The following CTNNA3 variants were observed in gnomAD, a reference collection of about 807,000 sequenced individuals.
CTNNA3 encodes the protein catenin alpha 3.
CTNNA3 carries 76 observed loss-of-function variants against 95.7 expected under a neutral mutation model. The ratio of observed to expected loss-of-function variants is 0.79; its 90% CI spans 0.66 to 0.96. CTNNA3 has a LOEUF of 0.96. Among genes scored for constraint, CTNNA3 ranks in the 40% least tolerant of loss-of-function variants. The pLI, the probability that CTNNA3 is intolerant of heterozygous loss-of-function variation, is 0.00. For synonymous variants in CTNNA3, 431 were observed against 374.4 expected, an observed-to-expected ratio of 1.15 and a Z score of -1.74; for missense variants, 1,191 against 1,089.8, an observed-to-expected ratio of 1.09 and a Z score of -1.31.
chr10:65,961,316 G>C (rs2077838194), intron 17 of CTNNA3, among the ~76,000 whole-genome samples: 1 of 151,994 alleles, frequency 6.6e-6, no homozygotes, highest in Non-Finnish European at 1.5e-5. Context: ...AACTGATCAT[G>C]ATACAATTTT....
At chr10:66,286,250 C>G (rs2091586888) in intron 12 of CTNNA3, among the ~76,000 whole-genome samples, 1 of 152,028 alleles carries the variant, frequency 6.6e-6, no homozygotes, top group African/African-American at 2.4e-5. Context: ...TGTATCTTCC[C>G]TAATATTTGG....
chr10:65,961,898 G>T (rs2077851883), intron 17 of CTNNA3, among the ~76,000 whole-genome samples: 1 of 152,032 alleles, frequency 6.6e-6, no homozygotes, highest in Admixed American at 6.6e-5. Context: ...CCATATTTTT[G>T]ACCTTGATAA....
At position 67,566,039 on chromosome 10, in the gene CTNNA3, G is replaced by GTATATATATA. The variant is rs1437054675; in HGVS notation, c.293-26371_293-26370insTATATATATA. Among the ~76,000 whole-genome samples, 10 of 19,880 alleles carry GTATATATATA rather than the reference G, an allele frequency of 5.0e-4. 1 individual carries two copies. Among genetic ancestry groups the GTATATATATA allele is most frequent in the South Asian group, 3.0e-3 (1 of 328 alleles). The allele number at this position is 19,880 out of a possible 152,430, so 13.0% of individuals were successfully genotyped here. On this transcript the variant is annotated intron_variant, in intron 3 of 17. Transcript: ENST00000433211. ...CAAACACACACACACACATATGTGTGTGTGTATATATATATATATATATAT... is the reference window on the plus strand; with the variant it reads ...CAAACACACACACACACATATGTGTGTATATATATATGTGTATATATATATATATATATAT...
At chr10:65,990,543 T>C (rs781189351) in intron 15 of CTNNA3, among the ~76,000 whole-genome samples, 4 of 151,904 alleles carry the variant, frequency 2.6e-5, no homozygotes, top group Non-Finnish European at 4.4e-5. Flanking sequence ...GAAATGTCTG[T>C]TCATGTCCTT....
At chr10:66,239,750 G>A (rs749668244) in intron 13 of CTNNA3, among the ~76,000 whole-genome samples, 16 of 151,704 alleles carry the variant, frequency 1.1e-4, no homozygotes, top group African/African-American at 3.9e-4. Context: ...TCAACTATGC[G>A]CATTGTTTGG....
chr10:66,436,072 G>A (rs2093335344), intron 11 of CTNNA3, among the ~76,000 whole-genome samples: 1 of 152,116 alleles, frequency 6.6e-6, no homozygotes, highest in Admixed American at 6.6e-5. Context: ...ATTTGCATTT[G>A]CTGAGGAGTG....
At chr10:67,408,980 A>T (rs1405941002) in intron 5 of CTNNA3, among the ~76,000 whole-genome samples, 1 of 152,066 alleles carries the variant, frequency 6.6e-6, no homozygotes, top group African/African-American at 2.4e-5. Context: ...AAACATGTGA[A>T]AAAAAGCTCA....
chr10:66,518,308 T>C (rs1035652601), intron 11 of CTNNA3, among the ~76,000 whole-genome samples: 1 of 152,120 alleles, frequency 6.6e-6, no homozygotes, highest in Non-Finnish European at 1.5e-5. Context: ...CATGCAAAGA[T>C]TGGTAAATTA....
At chr10:65,935,017 G>A (rs2077313318) in intron 17 of CTNNA3, among the ~76,000 whole-genome samples, 1 of 152,082 alleles carries the variant, frequency 6.6e-6, no homozygotes, top group Non-Finnish European at 1.5e-5. Flanking sequence ...GTGTCCATAT[G>A]ACTGTCCCCT....
intron 5 of CTNNA3, among the ~76,000 whole-genome samples, chr10:67,227,409 A>T (rs746441685): frequency 6.6e-6 from 1 of 152,150 alleles, no homozygotes; most frequent in African/African-American, 2.4e-5. Context: ...AGCTATTCTT[A>T]TATCAGACAA....
intron 13 of CTNNA3, among the ~76,000 whole-genome samples, chr10:66,168,057 T>G (rs530508466): frequency 6.6e-6 from 1 of 152,312 alleles, no homozygotes; most frequent in South Asian, 2.1e-4. Context: ...TGCATTCCTA[T>G]GGGTGCCAGA....
chr10:67,116,095 A>G (rs934988506), intron 7 of CTNNA3, among the ~76,000 whole-genome samples: 6 of 152,026 alleles, frequency 3.9e-5, no homozygotes, highest in Admixed American at 2.6e-4. Context: ...TTCCCCAGGC[A>G]TAACTCCTGG....
chr10:66,707,257 T>A (rs1848147761), intron 9 of CTNNA3, among the ~76,000 whole-genome samples: 1 of 152,038 alleles, frequency 6.6e-6, no homozygotes, highest in Admixed American at 6.6e-5. Context: ...AAAAGCTGCA[T>A]TCATATTGAT....
chr10:65,991,362 A>G (rs2078542402), intron 15 of CTNNA3, among the ~76,000 whole-genome samples: 1 of 152,066 alleles, frequency 6.6e-6, no homozygotes. Context: ...TAGTATGGAT[A>G]TTTTGACAAT....
chr10:67,386,706 A>G (rs1277993534), intron 5 of CTNNA3, among the ~76,000 whole-genome samples: 5 of 152,246 alleles, frequency 3.3e-5, no homozygotes, highest in Non-Finnish European at 7.3e-5. Flanking sequence ...GAATAGTGCC[A>G]GAACACGAAA....
intron 7 of CTNNA3, among the ~76,000 whole-genome samples, chr10:66,986,351 G>T (rs1850726659): frequency 6.6e-6 from 1 of 151,950 alleles, no homozygotes; most frequent in Non-Finnish European, 1.5e-5. Flanking sequence ...ACAAAAATTA[G>T]CCAGGCATGG....
intron 7 of CTNNA3, among the ~76,000 whole-genome samples, chr10:66,798,880 A>G (rs1413457675): frequency 1.3e-5 from 2 of 151,652 alleles, no homozygotes. Flanking sequence ...TATAAACCTT[A>G]TGCATCAATC....
At position 66,321,834 on chromosome 10, in the gene CTNNA3, C is replaced by T. The variant is rs758946204; in HGVS notation, c.1733-41213G>A. Among the ~76,000 whole-genome samples the T allele has an allele frequency of 3.3e-4, 50 of 152,202 alleles. 2 individuals carry two copies. Among genetic ancestry groups the T allele is most frequent in the Non-Finnish European group, 6.2e-4 (42 of 67,996 alleles). On this transcript the variant is annotated intron_variant, in intron 12 of 17. Transcript: ENST00000433211. ...TTTATGCTGAAGCCAAGGAAATGTG[C>T]GTATGCTATATGAGTGTCCTAGTGA...
intron 7 of CTNNA3, among the ~76,000 whole-genome samples, chr10:66,865,040 G>A (rs537501333): frequency 1.3e-5 from 2 of 152,158 alleles, no homozygotes; most frequent in East Asian, 3.9e-4. Flanking sequence ...GAAAAGGATT[G>A]AGGGTCCCAA....
Sources: gnomAD v4.1 joint callset for allele counts (sites outside exome capture counted in the v4.1 genomes callset) on GRCh38, gnomAD v4.1.1 for gene constraint, MANE v1.5 for transcripts, NCBI Gene and HGNC (gene_info 2026-07-23, HGNC 2026-07-21) for gene names.